GLDC: variants seen among roughly 807,000 people sequenced by gnomAD.
The protein encoded by GLDC is glycine decarboxylase, also known as glycine dehydrogenase (decarboxylating), mitochondrial.
Under a neutral mutation model 121.3 loss-of-function variants are expected in GLDC, and 104 were observed. That is an observed-to-expected ratio of 0.86 (90% CI 0.73 to 1.01). The LOEUF is 1.01. Among genes scored for constraint, GLDC ranks in the 50% least tolerant of loss-of-function variants. The pLI is 0.00. For synonymous variants in GLDC, 546 were observed against 480.6 expected (o/e 1.14, Z -1.78); for missense variants, 1,429 against 1,306.6 (o/e 1.09, Z -1.44).
chr9:6,594,148 A>T (rs757787427), intron 9 of GLDC, among the ~76,000 whole-genome samples: 1 of 152,012 alleles, frequency 6.6e-6, no homozygotes, highest in Non-Finnish European at 1.5e-5. Context: ...CATTCTTCTG[A>T]TTGCCAATGT....
chr9:6,572,388 A>G (rs563013434), intron 15 of GLDC, among the ~76,000 whole-genome samples: 14 of 152,326 alleles, frequency 9.2e-5, no homozygotes, highest in Middle Eastern at 3.4e-3. Flanking sequence ...TTGAAAATCA[A>G]CTGGGTTTTC....
intron 2 of GLDC, among the ~76,000 whole-genome samples, chr9:6,625,363 T>C (rs1819213580): frequency 6.6e-6 from 1 of 152,216 alleles, no homozygotes. Flanking sequence ...GAGAACCAAC[T>C]CAATGGCTGA....
chr9:6,629,171 CAAAT>C (rs1819309430), intron 2 of GLDC, among the ~76,000 whole-genome samples: 1 of 151,818 alleles, frequency 6.6e-6, no homozygotes, highest in Non-Finnish European at 1.5e-5. Flanking sequence ...ACCACTGCAT[CAAAT>C]AAATACTTTC....
At position 6,605,446 on chromosome 9, in the gene GLDC, A is replaced by T. The variant is rs1033878844; in HGVS notation, c.714-168T>A. Reference sequence around the variant, plus strand: ...GGCACTTCAGTGGTAACTACATCACAGCAACTCAAGCGCATCCAACAGCTC... The same window carrying T: ...GGCACTTCAGTGGTAACTACATCACTGCAACTCAAGCGCATCCAACAGCTC... On this transcript the variant is annotated intron_variant, in intron 5 of 24. Coordinates refer to ENST00000321612, the MANE Select transcript of GLDC (RefSeq NM_000170.3). 3 of 681,336 alleles carry T rather than the reference A, an allele frequency of 4.4e-6. No homozygotes were observed. In the African/African-American group the frequency reaches 5.3e-5, roughly 12 times the overall value. The allele number at this position is 681,336 out of a possible 1,614,324, so 42.2% of individuals were successfully genotyped here. A position where few individuals can be genotyped will look rare whatever the true frequency, so the allele number is the denominator to read the frequency against.
chr9:6,560,043 G>A (rs1236570748), intron 16 of GLDC, among the ~76,000 whole-genome samples: 1 of 152,206 alleles, frequency 6.6e-6, no homozygotes, highest in Non-Finnish European at 1.5e-5. Context: ...AAGCTGGACA[G>A]TAGGTGCAAT....
chr9:6,552,881 G>T (rs1817543860), intron 20 of GLDC, among the ~76,000 whole-genome samples: 1 of 151,982 alleles, frequency 6.6e-6, no homozygotes, highest in South Asian at 2.1e-4. Context: ...AGAGCTCTGG[G>T]GAAAAACCAG....
chr9:6,537,675 G>C (rs1484419286), intron 22 of GLDC, among the ~76,000 whole-genome samples: 1 of 152,114 alleles, frequency 6.6e-6, no homozygotes, highest in African/African-American at 2.4e-5. Context: ...CAGCTACTTA[G>C]AAAGCTGAGG....
rs143359086 is a variant in GLDC, at chr9:6,583,690, G to T, written c.1850+3451C>A. 6.8e-3 allele frequency among the ~76,000 whole-genome samples: 1,040 copies of T among 152,236 alleles called. 7 individuals are homozygous for T. The highest frequency in any genetic ancestry group is 0.014 in the South Asian group (66 of 4,826). On this transcript the variant is annotated intron_variant, in intron 15 of 24. Coordinates refer to ENST00000321612, the MANE Select transcript of GLDC (RefSeq NM_000170.3). Reference sequence around the variant, plus strand: ...GACCCTGTCTGAAAAAAAGAAAAAAGGAAGTAAATTCTGACACATGCCACA... The same window carrying T: ...GACCCTGTCTGAAAAAAAGAAAAAATGAAGTAAATTCTGACACATGCCACA...
At chr9:6,621,057 A>G (rs1022999975) in intron 2 of GLDC, among the ~76,000 whole-genome samples, 8 of 152,076 alleles carry the variant, frequency 5.3e-5, no homozygotes, top group African/African-American at 1.9e-4. Context: ...GTGGTCCCAG[A>G]TTCTTGGGAG....
chr9:6,586,935 C>T (rs1818283200), intron 15 of GLDC, among the ~76,000 whole-genome samples: 1 of 152,184 alleles, frequency 6.6e-6, no homozygotes, highest in Non-Finnish European at 1.5e-5. Flanking sequence ...TGAACATCCT[C>T]AAATGCACTC....
chr9:6,540,765 A>G (rs772790224), intron 21 of GLDC: 5 of 154,414 alleles, frequency 3.2e-5, no homozygotes, highest in African/African-American at 4.8e-5. Context: ...TAATGAGGCC[A>G]AAGTCTGTGC....
chr9:6,624,011 A>G (rs111315930), intron 2 of GLDC, among the ~76,000 whole-genome samples: 5,596 of 152,304 alleles, frequency 0.037, 313 homozygotes, highest in African/African-American at 0.12. Context: ...CAGTCTGTGA[A>G]GGGCTCTGTC....
At chr9:6,573,467 T>C (rs952390696) in intron 15 of GLDC, among the ~76,000 whole-genome samples, 1 of 151,164 alleles carries the variant, frequency 6.6e-6, no homozygotes, top group African/African-American at 2.4e-5. Context: ...TCTTAAAAAA[T>C]AAATAAATAA....
intron 18 of GLDC, among the ~76,000 whole-genome samples, chr9:6,555,794 A>AAAAG (rs370794001): frequency 1.9e-4 from 29 of 152,284 alleles, no homozygotes; most frequent in African/African-American, 5.5e-4. Flanking sequence ...TCCATCTAAA[A>AAAAG]AAAGAAAGAA....
intron 9 of GLDC, 77 bp from the exon 10 acceptor site, chr9:6,593,067 A>T: frequency 2.0e-6 from 3 of 1,478,006 alleles, no homozygotes; most frequent in Non-Finnish European, 2.8e-6. Flanking sequence ...CAGAATAATA[A>T]AGAGATAAAT....
chr9:6,592,546 T>C (rs375441611), intron 10 of GLDC, among the ~76,000 whole-genome samples: 15 of 152,328 alleles, frequency 9.8e-5, no homozygotes, highest in Non-Finnish European at 1.6e-4. Context: ...CCTTAACCTG[T>C]ATATCAGTTA....
chr9:6,581,200 A>T (rs1351091705), intron 15 of GLDC, among the ~76,000 whole-genome samples: 2 of 152,220 alleles, frequency 1.3e-5, no homozygotes, highest in African/African-American at 4.8e-5. Flanking sequence ...ACGAAGGAGC[A>T]GTTGGTAAAT....
chr9:6,590,834 G>A (rs1818360941), intron 11 of GLDC, among the ~76,000 whole-genome samples: 1 of 152,126 alleles, frequency 6.6e-6, no homozygotes, highest in African/African-American at 2.4e-5. Flanking sequence ...ACTCAGTCCT[G>A]TTTAATTGAG....
At chr9:6,625,223 G>T (rs1207868168) in intron 2 of GLDC, among the ~76,000 whole-genome samples, 1 of 152,060 alleles carries the variant, frequency 6.6e-6, no homozygotes, top group African/African-American at 2.4e-5. Flanking sequence ...CCGGCCGGAG[G>T]TCAAACCAGC....
Sources: allele counts gnomAD v4.1 joint callset (sites outside exome capture counted in the v4.1 genomes callset), GRCh38; gene constraint gnomAD v4.1.1; transcripts MANE v1.5; gene names NCBI Gene and HGNC (gene_info 2026-07-23, HGNC 2026-07-21).